POU6F2: variants seen among roughly 807,000 people sequenced by gnomAD.
POU6F2 encodes POU class 6 homeobox 2.
Under a neutral mutation model 71.3 loss-of-function variants are expected in POU6F2, and 31 were observed. The ratio of observed to expected loss-of-function variants is 0.43; its 90% CI spans 0.33 to 0.59. The LOEUF (loss-of-function observed/expected upper bound fraction) is 0.59, where lower values mean the gene tolerates loss of function less well. Among genes scored for constraint, POU6F2 ranks in the 20% least tolerant of loss-of-function variants. The probability of loss-of-function intolerance (pLI) is 0.04; values close to 1 mark genes in which losing one functional copy is unlikely to be tolerated. For missense variants in POU6F2, 783 were observed against 856.8 expected, an observed-to-expected ratio of 0.91 and a Z score of 1.07; for synonymous variants, 347 against 355.7, an observed-to-expected ratio of 0.98 and a Z score of 0.27.
At chr7:39,046,857 T>TA (rs1423576816) in intron 1 of POU6F2, among the ~76,000 whole-genome samples, 2 of 151,930 alleles carry the variant, frequency 1.3e-5, no homozygotes, top group Non-Finnish European at 2.9e-5. Flanking sequence ...TTATGGTCTA[T>TA]TTTGAGTTTA....
At chr7:39,225,844 A>G (rs1377345891) in intron 4 of POU6F2, among the ~76,000 whole-genome samples, 1 of 152,180 alleles carries the variant, frequency 6.6e-6, no homozygotes, top group Non-Finnish European at 1.5e-5. Flanking sequence ...ATTTTGTCAT[A>G]ACAAATGTTT....
At chr7:39,264,894 A>G (rs1784211812) in intron 4 of POU6F2, among the ~76,000 whole-genome samples, 1 of 152,164 alleles carries the variant, frequency 6.6e-6, no homozygotes, top group Admixed American at 6.5e-5. Flanking sequence ...AATCCAAGAA[A>G]GTACCCAAAA....
intron 9 of POU6F2, among the ~76,000 whole-genome samples, chr7:39,462,132 T>C (rs1788964165): frequency 6.6e-6 from 1 of 152,348 alleles, no homozygotes; most frequent in Admixed American, 6.5e-5. Context: ...GTTTAACTCA[T>C]ACACTTAGCA....
intron 8 of POU6F2, among the ~76,000 whole-genome samples, chr7:39,452,953 G>A (rs1477000345): frequency 2.0e-5 from 3 of 152,120 alleles, no homozygotes; most frequent in African/African-American, 4.8e-5. Context: ...TTAGCCGGGC[G>A]TGGTGGCATG....
intron 4 of POU6F2, among the ~76,000 whole-genome samples, chr7:39,270,121 A>T (rs956565030): frequency 1.3e-5 from 2 of 152,174 alleles, no homozygotes; most frequent in African/African-American, 4.8e-5. Flanking sequence ...ACCATCACAG[A>T]TATAGGAATG....
intron 4 of POU6F2, among the ~76,000 whole-genome samples, chr7:39,267,621 A>G (rs770329602): frequency 6.7e-6 from 1 of 149,512 alleles, no homozygotes; most frequent in Admixed American, 6.9e-5. Context: ...CTTTTCATAC[A>G]TTTAAAAATA....
chr7:39,282,949 A>G (rs975864071), intron 4 of POU6F2, among the ~76,000 whole-genome samples: 1 of 152,020 alleles, frequency 6.6e-6, no homozygotes, highest in Non-Finnish European at 1.5e-5. Context: ...ATCCTCTTCA[A>G]TTTTTTTCAT....
chr7:39,112,970 C>G (rs1289976752), intron 2 of POU6F2, among the ~76,000 whole-genome samples: 1 of 147,624 alleles, frequency 6.8e-6, no homozygotes, highest in African/African-American at 2.5e-5. Flanking sequence ...TGCATTTTTA[C>G]AAAAAAAAAA....
chr7:39,073,085 A>G (rs1790918307), intron 1 of POU6F2, among the ~76,000 whole-genome samples: 1 of 152,102 alleles, frequency 6.6e-6, no homozygotes, highest in South Asian at 2.1e-4. Context: ...CATTGTCCCT[A>G]GCACAACACC....
intron 1 of POU6F2, among the ~76,000 whole-genome samples, chr7:39,018,090 A>G (rs1231774078): frequency 2.0e-5 from 3 of 152,120 alleles, no homozygotes; most frequent in African/African-American, 7.2e-5. Context: ...TTTGTGTTAA[A>G]TATAGAATTT....
Position 39,339,656 on chromosome 7 carries a change from A to G in POU6F2, c.613A>G (p.Asn205Asp). The G allele has an allele frequency of 6.3e-7, 1 of 1,594,688 alleles. No individual in the cohort carries two copies. The highest frequency in any genetic ancestry group is 8.5e-7 in the Non-Finnish European group (1 of 1,175,664). ...LQNLQATSSL[N>D]SQLQQLQLQL... ...TCTCCTTGTAGCTACCTCATCCCTG[A>G]ACTCCCAGCTCCAGCAGCTCCAGCT... Residue 205 changes from asparagine (N) to aspartate (D), a missense_variant, in exon 5 of 10, where the codon AAC (asparagine) becomes GAC (aspartate). Asn to Asp is a conservative substitution (Grantham distance 23). This residue lies in a region of POU6F2 where 572 missense variants were observed against 572.9 expected (regional missense o/e 1.00). Coordinates refer to ENST00000518318, the MANE Select transcript of POU6F2 (RefSeq NM_001370959.1).
intron 1 of POU6F2, chr7:39,083,569 A>G (rs1002846952): frequency 2.8e-5 from 4 of 140,998 alleles, no homozygotes; most frequent in Non-Finnish European, 6.1e-5. Context: ...AAAGAGATCC[A>G]GAGAAATCTT....
intron 4 of POU6F2, among the ~76,000 whole-genome samples, chr7:39,248,662 C>G (rs1385496421): frequency 6.6e-6 from 1 of 152,206 alleles, no homozygotes; most frequent in East Asian, 1.9e-4. Context: ...TCCTTATCAT[C>G]AGAATAACCA....
intron 2 of POU6F2, among the ~76,000 whole-genome samples, chr7:39,106,482 GT>G (rs1791690280): frequency 1.3e-5 from 2 of 152,082 alleles, no homozygotes; most frequent in Admixed American, 1.3e-4. Context: ...TGTTTAGTTT[GT>G]TTTTATTGAA....
At chr7:39,248,149 T>G (rs565742676) in intron 4 of POU6F2, among the ~76,000 whole-genome samples, 1 of 152,000 alleles carries the variant, frequency 6.6e-6, no homozygotes, top group Non-Finnish European at 1.5e-5. Context: ...CTGGGAGAAG[T>G]GGACATATTG....
chr7:38,980,875 T>C (rs1427275026), intron 1 of POU6F2, among the ~76,000 whole-genome samples: 1 of 151,902 alleles, frequency 6.6e-6, no homozygotes, highest in African/African-American at 2.4e-5. Context: ...TAGGGAAGAG[T>C]AGACTTTTCT....
At chr7:39,323,800 T>C (rs1168646000) in intron 4 of POU6F2, among the ~76,000 whole-genome samples, 1 of 152,090 alleles carries the variant, frequency 6.6e-6, no homozygotes, top group East Asian at 1.9e-4. Context: ...GGCAAGAGAT[T>C]AGAGGTCAGT....
At chr7:39,310,331 T>C (rs1410644779) in intron 4 of POU6F2, among the ~76,000 whole-genome samples, 3 of 152,242 alleles carry the variant, frequency 2.0e-5, no homozygotes, top group Non-Finnish European at 4.4e-5. Context: ...AACAGCTTTA[T>C]GTATAAGGCG....
intron 5 of POU6F2, among the ~76,000 whole-genome samples, chr7:39,385,486 G>A (rs1351286564): frequency 6.6e-6 from 1 of 152,218 alleles, no homozygotes; most frequent in Admixed American, 6.5e-5. Context: ...GAAAGAACAT[G>A]TTGGGTTCTA....
Sources: gnomAD v4.1 joint callset for allele counts (sites outside exome capture counted in the v4.1 genomes callset) on GRCh38, gnomAD v4.1.1 for gene constraint, gnomAD v4.1.1 regional missense constraint, MANE v1.5 for transcripts, NCBI Gene and HGNC (gene_info 2026-07-23, HGNC 2026-07-21) for gene names.